Variants in ANO10 observed in about 807,000 individuals in gnomAD.
ANO10 encodes anoctamin-10.
Under a neutral mutation model 74.7 loss-of-function variants are expected in ANO10, and 77 were observed. The observed-to-expected ratio is 1.03, with a 90% CI of 0.86 to 1.25. The LOEUF (loss-of-function observed/expected upper bound fraction) is 1.25, where lower values mean the gene tolerates loss of function less well. Ranked by LOEUF, ANO10 falls within the 50% of genes most tolerant of loss-of-function variation. ANO10 has a pLI of 0.00. For synonymous variants in ANO10, 279 were observed against 284.9 expected (o/e 0.98, Z 0.21); for missense variants, 721 against 778.1 (o/e 0.93, Z 0.87).
intron 11 of ANO10, among the ~76,000 whole-genome samples, chr3:43,461,890 G>A (rs575310217): frequency 2.0e-4 from 30 of 152,338 alleles, no homozygotes; most frequent in African/African-American, 5.3e-4. Flanking sequence ...GCAGAGGTTC[G>A]AACAGTTAGG....
intron 4 of ANO10, among the ~76,000 whole-genome samples, chr3:43,581,938 G>GAAAAAAAAAAAAAATAAAAAAAAAAAAAA (rs559442226): frequency 7.4e-6 from 1 of 134,622 alleles, no homozygotes; most frequent in Non-Finnish European, 1.6e-5. Flanking sequence ...AAAAAAAAAA[G>GAAAAAAAAAAAAAATAAAAAAAAAAAAAA]AAAAAAAAAA....
chr3:43,563,931 C>T (rs1575435031), intron 8 of ANO10, among the ~76,000 whole-genome samples: 2 of 152,188 alleles, frequency 1.3e-5, no homozygotes, highest in East Asian at 1.9e-4. Context: ...TAAGTTCTAA[C>T]ATATGAGAGC....
intron 7 of ANO10, among the ~76,000 whole-genome samples, chr3:43,572,732 T>G (rs1378539610): frequency 6.6e-6 from 1 of 152,198 alleles, no homozygotes; most frequent in East Asian, 1.9e-4. Flanking sequence ...CCAGCCCCCA[T>G]GCTGACTACT....
At chr3:43,597,837 G>C (rs1463803517) in intron 4 of ANO10, among the ~76,000 whole-genome samples, 1 of 151,948 alleles carries the variant, frequency 6.6e-6, no homozygotes, top group Non-Finnish European at 1.5e-5. Flanking sequence ...GAGATTATTT[G>C]AGCCCAGGAG....
chr3:43,564,538 T>C (rs2080214492), intron 8 of ANO10, among the ~76,000 whole-genome samples: 1 of 152,242 alleles, frequency 6.6e-6, no homozygotes, highest in African/African-American at 2.4e-5. Context: ...GGATACACTT[T>C]GTTTACTGCT....
chr3:43,679,978 G>A (rs2149581410), intron 1 of ANO10, among the ~76,000 whole-genome samples: 1 of 152,246 alleles, frequency 6.6e-6, no homozygotes, highest in South Asian at 2.1e-4. Flanking sequence ...AAACCACAAA[G>A]ATGGGGAAAA....
At chr3:43,626,813 G>C (rs2083496769), upstream of ANO10, among the ~76,000 whole-genome samples, 1 of 151,938 alleles carries the variant, frequency 6.6e-6, no homozygotes, top group Middle Eastern at 3.2e-3. Context: ...TTATTAATCT[G>C]TTGGTTTATC....
chr3:43,596,160 T>A (rs1178727670), intron 4 of ANO10, among the ~76,000 whole-genome samples: 1 of 152,174 alleles, frequency 6.6e-6, no homozygotes, highest in Non-Finnish European at 1.5e-5. Flanking sequence ...ATAGGAAGAA[T>A]CAATATCGTG....
chr3:43,676,179 G>C (rs1369558637), intron 1 of ANO10, among the ~76,000 whole-genome samples: 1 of 152,136 alleles, frequency 6.6e-6, no homozygotes, highest in Non-Finnish European at 1.5e-5. Flanking sequence ...TTAAATATAG[G>C]CCAAGTATGG....
intron 12 of ANO10, among the ~76,000 whole-genome samples, chr3:43,415,931 T>C (rs944297627): frequency 4.6e-5 from 7 of 152,020 alleles, no homozygotes; most frequent in African/African-American, 1.4e-4. Flanking sequence ...ACAGCTATCC[T>C]GGATAAAGTT....
chr3:43,497,976 T>C (rs372500622), intron 11 of ANO10, among the ~76,000 whole-genome samples: 1 of 152,204 alleles, frequency 6.6e-6, no homozygotes, highest in African/African-American at 2.4e-5. Context: ...AATTGTAATT[T>C]TGTTGCATCA....
intron 1 of ANO10, among the ~76,000 whole-genome samples, chr3:43,672,044 ATC>A (rs1195722170): frequency 6.6e-6 from 1 of 152,226 alleles, no homozygotes; most frequent in Non-Finnish European, 1.5e-5. Flanking sequence ...GCTCAAATAT[ATC>A]TGTTATGCTG....
chr3:43,588,592 G>A (rs2081583730), intron 4 of ANO10, among the ~76,000 whole-genome samples: 1 of 148,254 alleles, frequency 6.7e-6, no homozygotes, highest in South Asian at 2.1e-4. Context: ...TCAGATTAGA[G>A]TGCAAAGCAA....
At chr3:43,513,558 G>T (rs1559634526) in intron 11 of ANO10, among the ~76,000 whole-genome samples, 1 of 152,052 alleles carries the variant, frequency 6.6e-6, no homozygotes, top group Non-Finnish European at 1.5e-5. Context: ...CGCCCAGGCT[G>T]GAGTGCAGTG....
At chr3:43,578,773 A>AAC in intron 5 of ANO10, among the ~76,000 whole-genome samples, 1 of 146,316 alleles carries the variant, frequency 6.8e-6, no homozygotes, top group Non-Finnish European at 1.5e-5. Flanking sequence ...AAAAAAAAAA[A>AAC]AAAAAGGAGT....
chr3:43,593,586 C>A (rs1257489004), intron 4 of ANO10, among the ~76,000 whole-genome samples: 1 of 152,140 alleles, frequency 6.6e-6, no homozygotes, highest in African/African-American at 2.4e-5. Flanking sequence ...ACCAGGCCTG[C>A]CCTAAAAGGG....
At chr3:43,514,050 A>G (rs1455214660) in intron 11 of ANO10, among the ~76,000 whole-genome samples, 1 of 150,826 alleles carries the variant, frequency 6.6e-6, no homozygotes, top group African/African-American at 2.4e-5. Flanking sequence ...AATTTATTAC[A>G]TTATAAATAA....
intron 11 of ANO10, among the ~76,000 whole-genome samples, chr3:43,432,956 T>TTTTTTTTTTTTTTTTTTTTTG (rs2093010355): frequency 1.1e-5 from 1 of 94,026 alleles, no homozygotes; most frequent in Non-Finnish European, 2.3e-5. Flanking sequence ...TTTTTTTTTT[T>TTTTTTTTTTTTTTTTTTTTTG]TTTTTTTTTT....
chr3:43,563,226 C>A (rs1329053593), intron 8 of ANO10, among the ~76,000 whole-genome samples: 1 of 152,136 alleles, frequency 6.6e-6, no homozygotes, highest in East Asian at 1.9e-4. Context: ...TACTCAACAC[C>A]ACTCATCATC....
Sources: gnomAD v4.1 joint callset for allele counts (sites outside exome capture counted in the v4.1 genomes callset) on GRCh38, gnomAD v4.1.1 for gene constraint, MANE v1.5 for transcripts, NCBI Gene and HGNC (gene_info 2026-07-23, HGNC 2026-07-21) for gene names.